F13A1: variants seen among roughly 807,000 people sequenced by gnomAD.
The protein encoded by F13A1 is FSF, A subunit.
Under a neutral mutation model 80.1 loss-of-function variants are expected in F13A1, and 47 were observed. That is an observed-to-expected ratio of 0.59 (90% CI 0.46 to 0.75). The LOEUF is 0.75. Among genes scored for constraint, F13A1 ranks in the 30% least tolerant of loss-of-function variants. The pLI, the probability that F13A1 is intolerant of heterozygous loss-of-function variation, is 0.00. For missense variants in F13A1, 817 were observed against 930.4 expected (o/e 0.88, Z 1.59); for synonymous variants, 349 against 344.9 (o/e 1.01, Z -0.13).
intron 11 of F13A1, 101 bp from the exon 12 acceptor site, chr6:6,174,968 T>C (rs1760856035): frequency 3.5e-6 from 5 of 1,423,208 alleles, no homozygotes; most frequent in South Asian, 2.4e-5. Flanking sequence ...GGGGTGTTTC[T>C]ATAATACAAG....
intron 2 of F13A1, among the ~76,000 whole-genome samples, chr6:6,315,339 AG>A (rs1213944836): frequency 6.6e-6 from 1 of 152,190 alleles, no homozygotes; most frequent in Non-Finnish European, 1.5e-5. Context: ...CTGAATTCAA[AG>A]GGTGACATTA....
At chr6:6,305,218 G>A in intron 3 of F13A1, 133 bp downstream of exon 3, 1 of 995,482 alleles carries the variant, frequency 1.0e-6, no homozygotes. Flanking sequence ...GGGTAATTCA[G>A]GGGCTGGATG....
At chr6:6,151,552 C>A (rs978687491) in intron 14 of F13A1, among the ~76,000 whole-genome samples, 1 of 152,168 alleles carries the variant, frequency 6.6e-6, no homozygotes, top group Admixed American at 6.5e-5. Flanking sequence ...GTCAACCTCT[C>A]AAAGCCTCAA....
intron 3 of F13A1, among the ~76,000 whole-genome samples, chr6:6,294,827 G>C (rs9504746): frequency 0.34 from 50,394 of 148,714 alleles, 11,383 homozygotes; most frequent in African/African-American, 0.64. Context: ...ATGTGCCATG[G>C]TGGTGCGCTG....
At chr6:6,156,182 C>T (rs1415927537) in intron 13 of F13A1, among the ~76,000 whole-genome samples, 1 of 152,030 alleles carries the variant, frequency 6.6e-6, no homozygotes, top group East Asian at 1.9e-4. Flanking sequence ...AAAATCAACC[C>T]GTAGTATGCT....
At chr6:6,159,734 T>C (rs1760539772) in intron 13 of F13A1, among the ~76,000 whole-genome samples, 1 of 152,156 alleles carries the variant, frequency 6.6e-6, no homozygotes, top group Non-Finnish European at 1.5e-5. Flanking sequence ...GTGTTATCTA[T>C]ACAATTCCCC....
chr6:6,224,185 A>G (rs1330260142), intron 7 of F13A1, among the ~76,000 whole-genome samples: 1 of 152,204 alleles, frequency 6.6e-6, no homozygotes, highest in African/African-American at 2.4e-5. Flanking sequence ...AAATGTGGAA[A>G]AATGAATATG....
chr6:6,295,549 A>G (rs1758311055), intron 3 of F13A1, among the ~76,000 whole-genome samples: 1 of 146,432 alleles, frequency 6.8e-6, no homozygotes, highest in Non-Finnish European at 1.5e-5. Context: ...TCTTCTTTTG[A>G]GAAGTGTCTG....
At chr6:6,285,089 C>CA (rs63685062) in intron 3 of F13A1, among the ~76,000 whole-genome samples, 8 of 152,204 alleles carry the variant, frequency 5.3e-5, no homozygotes, top group Middle Eastern at 6.8e-3. Context: ...ACTAAAAATA[C>CA]AAAAAATAAA....
In F13A1 at chr6:6,266,772, T is replaced by C. The variant is rs1258215392; in HGVS notation, c.357A>G (p.Pro119=). The C allele has an allele frequency of 1.2e-6, 2 of 1,614,196 alleles. No individual in the cohort carries two copies. The highest frequency in any genetic ancestry group is 3.3e-5 in the Admixed American group (2 of 60,018). Residue 119 remains proline (P), a synonymous_variant, in exon 4 of 15, where the codon CCA becomes CCG. Coordinates refer to ENST00000264870, the MANE Select transcript of F13A1 (RefSeq NM_000129.4). ...YPQENKGTYI[P]VPIVSELQSG... The stretch of plus-strand genomic sequence containing the variant: ...TTTGTAACTCTGAGACTATAGGCAC[T>C]GGGATGTAGGTTCCCTTGTTCTCCT...
At position 6,224,923 on chromosome 6, in the gene F13A1, A is replaced by G. The variant is rs930511344; in HGVS notation, c.799-63T>C. On this transcript the variant is annotated intron_variant, in intron 6 of 14. Transcript: ENST00000264870. ...CATTTAGGTTTGTCTACTCCAGGCT[A>G]TGCATGGCGCAAGCTATGGCTGCCA... is the stretch of plus-strand genomic sequence containing the variant. 1.9e-6 allele frequency: 3 copies of G among 1,560,052 alleles called. No homozygotes were observed. In the African/African-American group the frequency reaches 4.1e-5, roughly 21 times the overall value.
rs769199269 is a variant in F13A1 at position 6,224,802 on chromosome 6, T to C, written c.857A>G (p.Tyr286Cys). ...AGTCCAGGCCGATGGGGGGACGCCATAGGCATAGATATTGTCCCAGGATCC... is the reference window on the plus strand; with the variant it reads ...AGTCCAGGCCGATGGGGGGACGCCACAGGCATAGATATTGTCCCAGGATCC... The part of the protein sequence containing the change: ...LVGSWDNIYA[Y>C]GVPPSAWTGS... The change falls in exon 7 of 15, where the codon TAT (tyrosine) becomes TGT (cysteine). Residue 286 changes from tyrosine (Y) to cysteine (C), a missense_variant. Coordinates refer to ENST00000264870, the MANE Select transcript of F13A1 (RefSeq NM_000129.4). The C allele has an allele frequency of 1.6e-5, 26 of 1,613,978 alleles. No individual in the cohort carries two copies. Among genetic ancestry groups the C allele is most frequent in the South Asian group, 5.5e-5 (5 of 91,088 alleles).
chr6:6,153,272 G>C (rs772683813), intron 13 of F13A1, among the ~76,000 whole-genome samples: 1 of 152,138 alleles, frequency 6.6e-6, no homozygotes, highest in African/African-American at 2.4e-5. Context: ...AAGAATGGAC[G>C]TAAAGAGGAA....
chr6:6,292,509 A>G (rs1406990001), intron 3 of F13A1, among the ~76,000 whole-genome samples: 2 of 152,044 alleles, frequency 1.3e-5, no homozygotes, highest in African/African-American at 2.4e-5. Context: ...CTCCTCTCCT[A>G]TCCTGAATTA....
At position 6,144,801 on chromosome 6, in the gene F13A1, A is replaced by G. The variant is rs1323363973; in HGVS notation, c.*818T>C. 6.5e-6 allele frequency: 1 copy of G among 152,694 alleles called. No homozygotes were observed. Among genetic ancestry groups the G allele is most frequent in the Non-Finnish European group, 1.5e-5 (1 of 68,064 alleles). 9.5% of individuals were successfully genotyped at this position (152,694 alleles called of 1,614,324 possible). Reference sequence around the variant, plus strand: ...GAGAGATGGGTGAAATATAATCACTAACTAAAGAGATAAATTCTTCACTTT... The same window carrying G: ...GAGAGATGGGTGAAATATAATCACTGACTAAAGAGATAAATTCTTCACTTT... On this transcript the variant is annotated 3_prime_UTR_variant, in exon 15 of 15. Transcript: ENST00000264870.
intron 8 of F13A1, among the ~76,000 whole-genome samples, chr6:6,211,798 TGG>T (rs1349141850): frequency 6.6e-6 from 1 of 152,178 alleles, no homozygotes; most frequent in African/African-American, 2.4e-5. Flanking sequence ...TGCCAGACAG[TGG>T]GCGCAGGTTA....
intron 3 of F13A1, among the ~76,000 whole-genome samples, chr6:6,290,072 C>A (rs1000572592): frequency 4.6e-5 from 7 of 152,226 alleles, no homozygotes; most frequent in South Asian, 2.1e-4. Context: ...ACTCTAATCC[C>A]AATATGGTGC....
chr6:6,306,141 T>C (rs2113185292), intron 2 of F13A1, among the ~76,000 whole-genome samples: 1 of 152,262 alleles, frequency 6.6e-6, no homozygotes, highest in Non-Finnish European at 1.5e-5. Flanking sequence ...AGGGAGCAGG[T>C]CTGGAGAAAG....
intron 10 of F13A1, among the ~76,000 whole-genome samples, chr6:6,194,690 T>G (rs1761258399): frequency 6.6e-6 from 1 of 152,232 alleles, no homozygotes; most frequent in South Asian, 2.1e-4. Flanking sequence ...TCAGTGTGTT[T>G]GTGCCCTGTC....
Sources: allele counts gnomAD v4.1 joint callset (sites outside exome capture counted in the v4.1 genomes callset), GRCh38; gene constraint gnomAD v4.1.1; transcripts MANE v1.5; gene names NCBI Gene and HGNC (gene_info 2026-07-23, HGNC 2026-07-21).